The following SPTBN1 variants were observed in gnomAD, a reference collection of about 807,000 sequenced individuals.
SPTBN1 encodes spectrin beta, non-erythrocytic 1, also known as spectrin beta chain, non-erythrocytic 1.
Under a neutral mutation model 266.4 loss-of-function variants are expected in SPTBN1, and 32 were observed. The ratio of observed to expected loss-of-function variants is 0.12; its 90% CI spans 0.09 to 0.16. SPTBN1 has a LOEUF of 0.16. SPTBN1 is among the 10% of genes least tolerant of loss of function. The probability of loss-of-function intolerance (pLI) is 1.00; values close to 1 mark genes in which losing one functional copy is unlikely to be tolerated. For missense variants in SPTBN1, 2,296 were observed against 3,067.1 expected, an observed-to-expected ratio of 0.75 and a Z score of 5.94; for synonymous variants, 1,336 against 1,162.2, an observed-to-expected ratio of 1.15 and a Z score of -3.04.
chr2:54,586,072 G>T (rs1337155080), intron 2 of SPTBN1, among the ~76,000 whole-genome samples: 3 of 152,190 alleles, frequency 2.0e-5, no homozygotes, highest in African/African-American at 7.2e-5. Context: ...GGGCTTGTCA[G>T]TATAAAATTA....
At chr2:54,620,457 G>A (rs1455160179) in intron 7 of SPTBN1, among the ~76,000 whole-genome samples, 2 of 63,434 alleles carry the variant, frequency 3.2e-5, no homozygotes, top group East Asian at 2.7e-4. Flanking sequence ...TGGAAATTAT[G>A]TGTGTATAGG....
At chr2:54,520,988 C>T (rs1410669794) in intron 1 of SPTBN1, among the ~76,000 whole-genome samples, 2 of 152,156 alleles carry the variant, frequency 1.3e-5, no homozygotes, top group South Asian at 2.1e-4. Context: ...AAGCCTTCCT[C>T]CCTTCTCTTC....
chr2:54,529,247 G>A (rs1671042228), intron 2 of SPTBN1: 2 of 386,574 alleles, frequency 5.2e-6, no homozygotes. Context: ...TTCGGTGTTT[G>A]AGACCACTTC....
Position 54,649,978 on chromosome 2 carries a change from C to G in SPTBN1, c.5566C>G (p.Leu1856Val), listed in dbSNP as rs1457463233. 1.9e-6 allele frequency: 3 copies of G among 1,608,006 alleles called. No individual in the cohort carries two copies. The highest frequency in any genetic ancestry group is 2.6e-6 in the Non-Finnish European group (3 of 1,176,408). The change falls in exon 26 of 36, where the codon CTG (leucine) becomes GTG (valine). Residue 1856 changes from leucine to valine, a missense_variant. Around this residue, in one of 12 missense-constraint regions of SPTBN1, gnomAD observed 644 missense variants for 745.3 expected, o/e 0.86. Transcript: ENST00000356805. This position sits in a 1 kb window ranked among gnomAD's most constrained non-coding sequence, Gnocchi z 6.7. ...HTTFEHDIQALGTQVRQLQED... is the reference protein window; with the variant it reads ...HTTFEHDIQAVGTQVRQLQED... ...TACATTTGAGCATGACATCCAGGCTCTGGGCACACAGGTGGGTATGGCAGC... is the reference window on the plus strand; with the variant it reads ...TACATTTGAGCATGACATCCAGGCTGTGGGCACACAGGTGGGTATGGCAGC...
chr2:54,486,718 T>TAA (rs999327326), intron 1 of SPTBN1, among the ~76,000 whole-genome samples: 1 of 138,566 alleles, frequency 7.2e-6, no homozygotes, highest in African/African-American at 2.7e-5. Context: ...AATGATCAAT[T>TAA]AAAAAAAAAT....
intron 1 of SPTBN1, among the ~76,000 whole-genome samples, chr2:54,514,221 A>T (rs1669997952): frequency 6.6e-6 from 1 of 152,228 alleles, no homozygotes; most frequent in African/African-American, 2.4e-5. Flanking sequence ...ATTCATGGTT[A>T]TACTGTATAA....
Position 54,646,530 on chromosome 2 carries a change from G to T in SPTBN1, c.4866+55G>T. The T allele has an allele frequency of 7.0e-7, 1 of 1,435,772 alleles. No homozygotes were observed. Among genetic ancestry groups the T allele is most frequent in the Non-Finnish European group, 9.1e-7 (1 of 1,094,140 alleles). The allele number at this position is 1,435,772 out of a possible 1,614,324, so 88.9% of individuals were successfully genotyped here. ...CAGGAGAGCCTCAGATTCAAACCCTGGGCACACTTTCTGCTGGCGGCTCTG... is the reference window on the plus strand; with the variant it reads ...CAGGAGAGCCTCAGATTCAAACCCTTGGCACACTTTCTGCTGGCGGCTCTG... On this transcript the variant is annotated intron_variant, in intron 23 of 35. Transcript: ENST00000356805. The surrounding 1 kb of genome is among the most constrained non-coding windows in gnomAD (Gnocchi z 4.4).
intron 1 of SPTBN1, among the ~76,000 whole-genome samples, chr2:54,473,756 T>G (rs1573221351): frequency 6.6e-6 from 1 of 152,238 alleles, no homozygotes; most frequent in East Asian, 1.9e-4. Context: ...GGCAAAAAGT[T>G]AAATACTCAA....
In SPTBN1 at chr2:54,645,804, C is replaced by A; in HGVS notation, c.4495-124C>A. On this transcript the variant is annotated intron_variant, in intron 21 of 35. Transcript: ENST00000356805. The surrounding 1 kb of genome is among the most constrained non-coding windows in gnomAD (Gnocchi z 4.3). ...AGGGCGTGCTTCCCCAGACAGCCCT[C>A]CCGAGGGGGCTGAGCACTCTCTGAA... The A allele has an allele frequency of 9.5e-7, 1 of 1,048,862 alleles. No homozygotes were observed. Among genetic ancestry groups the A allele is most frequent in the East Asian group, 2.5e-5 (1 of 39,412 alleles). 65.0% of individuals were successfully genotyped at this position (1,048,862 alleles called of 1,614,324 possible).
rs1192094074 is a variant in SPTBN1, at chr2:54,646,655, T to C, written c.4866+180T>C. ...CTGCTGGTTTCCCTTTGGTGCAGCA[T>C]TTTCTTATCTGAATCCTAGTGTGCC... On this transcript the variant is annotated intron_variant, in intron 23 of 35. Coordinates refer to ENST00000356805, the MANE Select transcript of SPTBN1 (RefSeq NM_003128.3). This position sits in a 1 kb window ranked among gnomAD's most constrained non-coding sequence, Gnocchi z 4.4. Among the ~76,000 whole-genome samples, 1 of 152,230 alleles carries C rather than the reference T, an allele frequency of 6.6e-6. No individual in the cohort carries two copies. Among genetic ancestry groups the C allele is most frequent in the East Asian group, 1.9e-4 (1 of 5,196 alleles).
intron 12 of SPTBN1, 147 bp from the exon 13 acceptor site, chr2:54,627,950 A>G (rs1306157920): frequency 6.9e-6 from 6 of 875,254 alleles, no homozygotes; most frequent in African/African-American, 5.2e-5. Flanking sequence ...TTTGTTGGCC[A>G]TCATCTTCCC....
intron 1 of SPTBN1, among the ~76,000 whole-genome samples, chr2:54,517,946 G>GT (rs35846594): frequency 9.4e-4 from 136 of 145,370 alleles, no homozygotes; most frequent in South Asian, 2.6e-3. Flanking sequence ...GCCTGGTATT[G>GT]TTTTTTTTTT....
chr2:54,486,308 A>C (rs1668385744), intron 1 of SPTBN1, among the ~76,000 whole-genome samples: 2 of 152,052 alleles, frequency 1.3e-5, no homozygotes, highest in East Asian at 3.8e-4. Flanking sequence ...AGACTGAGAA[A>C]TCGGATGGTT....
At chr2:54,633,217 A>G (rs1410209139) in intron 17 of SPTBN1, among the ~76,000 whole-genome samples, 1 of 152,154 alleles carries the variant, frequency 6.6e-6, no homozygotes, top group African/African-American at 2.4e-5. Context: ...GCTTGTTCTG[A>G]GTACCTGGCA....
chr2:54,472,021 TG>T (rs1431251414), intron 1 of SPTBN1, among the ~76,000 whole-genome samples: 58 of 104,794 alleles, frequency 5.5e-4, no homozygotes, highest in Middle Eastern at 4.3e-3. Flanking sequence ...GCCCTGAAGA[TG>T]TTTTTTTTTT....
intron 16 of SPTBN1, among the ~76,000 whole-genome samples, chr2:54,631,871 T>C (rs1204804479): frequency 3.3e-5 from 5 of 152,188 alleles, no homozygotes; most frequent in African/African-American, 9.6e-5. Context: ...GGATCTCTTA[T>C]GTGTTCATAG....
At chr2:54,467,231 A>G (rs1693682496) in intron 1 of SPTBN1, among the ~76,000 whole-genome samples, 1 of 144,464 alleles carries the variant, frequency 6.9e-6, no homozygotes, top group African/African-American at 2.6e-5. Context: ...TGGGATAGGG[A>G]TAGGGGATTT....
At position 54,628,791 on chromosome 2, in the gene SPTBN1, C is replaced by T. The variant is rs568591454; in HGVS notation, c.1799-142C>T. ...CAAGTTGTTAGAAGGTGCTCCATTG[C>T]CTTATCGCATGGCCCTGCATTTACA... On this transcript the variant is annotated intron_variant, in intron 13 of 35. Coordinates refer to ENST00000356805, the MANE Select transcript of SPTBN1 (RefSeq NM_003128.3). This position sits in a 1 kb window ranked among gnomAD's most constrained non-coding sequence, Gnocchi z 4.3. 2.2e-3 allele frequency: 2,486 copies of T among 1,105,800 alleles called. 6 individuals are homozygous for T. Among genetic ancestry groups the T allele is most frequent in the Non-Finnish European group, 2.7e-3 (2,136 of 796,084 alleles). The allele number at this position is 1,105,800 out of a possible 1,614,324, so 68.5% of individuals were successfully genotyped here.
At chr2:54,480,811 G>A (rs1283300989) in intron 1 of SPTBN1, among the ~76,000 whole-genome samples, 1 of 152,180 alleles carries the variant, frequency 6.6e-6, no homozygotes, top group African/African-American at 2.4e-5. Flanking sequence ...GGCTGTGAAT[G>A]TGGATGAACT....
Sources: allele counts gnomAD v4.1 joint callset (sites outside exome capture counted in the v4.1 genomes callset), GRCh38; gene constraint gnomAD v4.1.1; regional missense constraint gnomAD v4.1.1; non-coding constraint Gnocchi (gnomAD v3.1); transcripts MANE v1.5; gene names NCBI Gene and HGNC (gene_info 2026-07-23, HGNC 2026-07-21).